SEMA4B: variants seen among roughly 807,000 people sequenced by gnomAD.
SEMA4B encodes semaphorin 4B, also known as semaphorin-4B.
A neutral mutation model predicts 88.1 loss-of-function variants in SEMA4B; 55 were observed. That is an observed-to-expected ratio of 0.62 (90% CI 0.50 to 0.78). The LOEUF (loss-of-function observed/expected upper bound fraction) is 0.78. Ranked by LOEUF, SEMA4B falls within the 30% of genes least tolerant of loss-of-function variation. SEMA4B has a pLI of 0.00. For synonymous variants in SEMA4B, 525 were observed against 473.6 expected (o/e 1.11, Z -1.41); for missense variants, 1,062 against 1,111.9 (o/e 0.96, Z 0.64).
Position 90,224,121 on chromosome 15 carries a change from G to A in SEMA4B, c.1194+133G>A, listed in dbSNP as rs1325583744. The A allele has an allele frequency of 3.8e-6, 3 of 785,344 alleles. No homozygotes were observed. In the East Asian group the frequency reaches 8.1e-5, roughly 21 times the overall value. The allele number at this position is 785,344 out of a possible 1,614,324, so 48.6% of individuals were successfully genotyped here. On this transcript the variant is annotated intron_variant, in intron 9 of 13. Coordinates refer to ENST00000411539, the MANE Select transcript of SEMA4B (RefSeq NM_198925.4). ...GAATCTCTTTTCTCATCTTTAATAT[G>A]GGGATATAGGCCCAGGCCTGCTTGT...
rs556439453 is a variant in SEMA4B at position 90,192,186 on chromosome 15, G to A, written c.-122+7105G>A. Among the ~76,000 whole-genome samples the A allele has an allele frequency of 3.3e-5, 5 of 152,334 alleles. No individual in the cohort carries two copies. The East Asian group carries it at 9.6e-4, about 29-fold the overall frequency. The stretch of plus-strand genomic sequence containing the variant: ...AGGAGCTTGAGTGCTACCCCAGGAG[G>A]GGGCGGGTGGGACCTTTGGGTTCAA... On this transcript the variant is annotated intron_variant, in intron 1 of 14. Transcript: ENST00000332496.
At chr15:90,185,109 G>A (rs1000147064) in intron 1 of SEMA4B, 1 of 974,090 alleles carries the variant, frequency 1.0e-6, no homozygotes, top group Admixed American at 6.2e-5. Context: ...CTGGCGAGGT[G>A]GGAGCCGCTG....
Position 90,188,171 on chromosome 15 carries a change from T to A in SEMA4B, c.-122+3090T>A, listed in dbSNP as rs150450401. On this transcript the variant is annotated intron_variant, in intron 1 of 14. Transcript: ENST00000332496. ...CAGTCTCTACAAAAAATACAAAAAT[T>A]AGCCGAGCATGGTGGCCCATGCCTG... 9.3e-3 allele frequency among the ~76,000 whole-genome samples: 1,401 copies of A among 151,402 alleles called. 20 individuals are homozygous for A. The highest frequency in any genetic ancestry group is 0.031 in the African/African-American group (1,277 of 41,238).
rs1962308916 is a variant in SEMA4B at position 90,228,416 on chromosome 15, G to C, written c.2287G>C (p.Val763Leu). 1 of 1,605,342 alleles carries C rather than the reference G, an allele frequency of 6.2e-7. No homozygotes were observed. Among genetic ancestry groups the C allele is most frequent in the Non-Finnish European group, 8.5e-7 (1 of 1,175,714 alleles). Residue 763 changes from valine (V) to leucine (L), a missense_variant, in exon 14 of 14, where the codon GTG becomes CTG. Physicochemically the swap from Val to Leu is conservative, Grantham distance 32. Coordinates refer to ENST00000411539, the MANE Select transcript of SEMA4B (RefSeq NM_198925.4). ...CAGCGTGCACCCCAAGACCTGCCCT[G>C]TGGTGCTGCCCCCTGAGACCCGCCC... ...CASVHPKTCP[V>L]VLPPETRPLN...
In SEMA4B at chr15:90,228,298, G is replaced by A. The variant is rs1260757751; in HGVS notation, c.2169G>A (p.Thr723=). The A allele has an allele frequency of 1.9e-6, 3 of 1,591,068 alleles. No individual in the cohort carries two copies. Among genetic ancestry groups the A allele is most frequent in the Admixed American group, 1.7e-5 (1 of 58,074 alleles). Residue 723 remains threonine (T), a synonymous_variant, in exon 14 of 14, where the codon ACG becomes ACA. Transcript: ENST00000411539. ...GGAAGGAGTTCCTGGTGATGTGCAC[G>A]CTCTTTGTGCTGGCCGTGCTGCTCC... ...SYWKEFLVMC[T]LFVLAVLLPV...
intron 1 of SEMA4B, among the ~76,000 whole-genome samples, chr15:90,203,360 C>T (rs1960835235): frequency 6.6e-6 from 1 of 152,158 alleles, no homozygotes; most frequent in African/African-American, 2.4e-5. Flanking sequence ...CAGACCCTCT[C>T]ATTTTTGGGA....
intron 1 of SEMA4B, among the ~76,000 whole-genome samples, chr15:90,203,760 C>T (rs75930187): frequency 3.3e-5 from 5 of 152,176 alleles, no homozygotes; most frequent in African/African-American, 9.6e-5. Flanking sequence ...AAATGCAGTC[C>T]ACACTCAGCT....
At chr15:90,224,887 T>C in intron 9 of SEMA4B, 81 bp from the exon 10 acceptor site, 3 of 1,184,970 alleles carry the variant, frequency 2.5e-6, no homozygotes, top group African/African-American at 3.0e-5. Context: ...ACACCGCTAC[T>C]GTCCACTGGG....
intron 7 of SEMA4B, 30 bp from the exon 8 acceptor site, chr15:90,223,529 T>A (rs1567060127): frequency 1.3e-5 from 20 of 1,541,220 alleles, no homozygotes; most frequent in Non-Finnish European, 1.7e-5. Flanking sequence ...AGCATGTGCC[T>A]AAGCCCAGCC....
chr15:90,218,374 C>A (rs8041503), intron 3 of SEMA4B, among the ~76,000 whole-genome samples: 59,313 of 152,042 alleles, frequency 0.39, 12,083 homozygotes, highest in African/African-American at 0.5. Flanking sequence ...TGAGGGCAAA[C>A]GAGTGCTGGA....
At chr15:90,195,667 T>C (rs893373565) in intron 1 of SEMA4B, among the ~76,000 whole-genome samples, 2 of 152,208 alleles carry the variant, frequency 1.3e-5, no homozygotes, top group African/African-American at 4.8e-5. Flanking sequence ...TGGAGAGCAG[T>C]GGCGTGATCT....
intron 3 of SEMA4B, 146 bp from the exon 4 acceptor site, chr15:90,219,647 G>A (rs752204362): frequency 2.0e-4 from 125 of 618,516 alleles, no homozygotes; most frequent in Middle Eastern, 4.2e-4. Context: ...CAGAAAACCC[G>A]TGGGTTCTTT....
chr15:90,219,538 C>T (rs1042005962), intron 3 of SEMA4B: 12 of 484,738 alleles, frequency 2.5e-5, no homozygotes, highest in South Asian at 1.9e-4. Context: ...GATTCTGTGC[C>T]CTCACCCCTA....
At chr15:90,192,705 C>T (rs1005612187) in intron 1 of SEMA4B, among the ~76,000 whole-genome samples, 2 of 150,832 alleles carry the variant, frequency 1.3e-5, no homozygotes, top group African/African-American at 4.9e-5. Context: ...ATTCTCCTGC[C>T]TCAGCCTCCC....
chr15:90,191,370 A>G (rs1468286716), intron 1 of SEMA4B, among the ~76,000 whole-genome samples: 1 of 152,240 alleles, frequency 6.6e-6, no homozygotes, highest in Non-Finnish European at 1.5e-5. Context: ...AGAGATGGGC[A>G]TCTAAGATAC....
intron 4 of SEMA4B, among the ~76,000 whole-genome samples, 171 bp from the exon 5 acceptor site, chr15:90,220,811 G>A (rs376141882): frequency 3.9e-4 from 60 of 152,204 alleles, no homozygotes; most frequent in African/African-American, 1.2e-3. Context: ...CAAACCCTTC[G>A]GCACCGTGTC....
chr15:90,204,557 C>T lies in SEMA4B; in HGVS notation c.157+2822C>T, dbSNP rs181934350. Among the ~76,000 whole-genome samples, 153 of 152,284 alleles carry T rather than the reference C, an allele frequency of 1.0e-3. 1 individual carries two copies. The Middle Eastern group carries it at 0.01, about 10-fold the overall frequency. ...GTCAGCTGGAAATCTCTGAAAGGAA[C>T]ACTTCAAAGAAGTGTGTGGAATTTG... On this transcript the variant is annotated intron_variant, in intron 1 of 13. Coordinates refer to ENST00000411539, the MANE Select transcript of SEMA4B (RefSeq NM_198925.4).
chr15:90,196,063 G>T (rs867657789), intron 1 of SEMA4B, among the ~76,000 whole-genome samples: 5 of 151,684 alleles, frequency 3.3e-5, no homozygotes, highest in Middle Eastern at 6.8e-3. Context: ...GGGACTACAG[G>T]CGCCCGCCAC....
At position 90,223,641 on chromosome 15, in the gene SEMA4B, A is replaced by C. The variant is rs888974119; in HGVS notation, c.944A>C (p.Asp315Ala). Residue 315 changes from aspartate to alanine, a missense_variant, in exon 8 of 14, where the codon GAT becomes GCT. Coordinates refer to ENST00000411539, the MANE Select transcript of SEMA4B (RefSeq NM_198925.4). ...KAQLLCSRPDDGFPFNVLQDV... is the reference protein window; with the variant it reads ...KAQLLCSRPDAGFPFNVLQDV... ...CAGCTGCTGTGCTCACGGCCCGACGATGGCTTCCCCTTCAACGTGCTGCAG... is the reference window on the plus strand; with the variant it reads ...CAGCTGCTGTGCTCACGGCCCGACGCTGGCTTCCCCTTCAACGTGCTGCAG... 5 of 1,613,478 alleles carry C rather than the reference A, an allele frequency of 3.1e-6. No homozygotes were observed. Among genetic ancestry groups the C allele is most frequent in the Non-Finnish European group, 4.2e-6 (5 of 1,179,822 alleles).
Sources: gnomAD v4.1 joint callset for allele counts (sites outside exome capture counted in the v4.1 genomes callset) on GRCh38, gnomAD v4.1.1 for gene constraint, MANE v1.5 for transcripts, NCBI Gene and HGNC (gene_info 2026-07-23, HGNC 2026-07-21) for gene names.